IL23R: variants seen among roughly 807,000 people sequenced by gnomAD.
IL23R encodes interleukin 23 receptor.
Under a neutral mutation model 56.9 loss-of-function variants are expected in IL23R, and 34 were observed. That is an observed-to-expected ratio of 0.60 (90% CI 0.45 to 0.80). The LOEUF (loss-of-function observed/expected upper bound fraction) is 0.80, where lower values mean the gene tolerates loss of function less well. IL23R is among the 30% of genes least tolerant of loss of function. The pLI, the probability that IL23R is intolerant of heterozygous loss-of-function variation, is 0.00. For missense variants in IL23R, 635 were observed against 730.0 expected, an observed-to-expected ratio of 0.87 and a Z score of 1.50; for synonymous variants, 230 against 249.2, an observed-to-expected ratio of 0.92 and a Z score of 0.73.
chr1:67,241,133 C>G (rs1443660270), intron 9 of IL23R, among the ~76,000 whole-genome samples: 2 of 152,150 alleles, frequency 1.3e-5, no homozygotes, highest in Non-Finnish European at 2.9e-5. Context: ...TTAATAATTC[C>G]CCCCTTTTGG....
chr1:67,196,971 C>T (rs1281514306), intron 4 of IL23R, among the ~76,000 whole-genome samples: 2 of 152,186 alleles, frequency 1.3e-5, no homozygotes, highest in Non-Finnish European at 2.9e-5. Flanking sequence ...AGTCAGACAT[C>T]CAAATGAAGC....
At chr1:67,168,563 G>T (rs146799703) in intron 2 of IL23R, among the ~76,000 whole-genome samples, 1 of 152,106 alleles carries the variant, frequency 6.6e-6, no homozygotes, top group Non-Finnish European at 1.5e-5. Context: ...TTTGTGCCGG[G>T]CACATAGTAA....
At chr1:67,175,797 T>C (rs1289899740) in intron 3 of IL23R, among the ~76,000 whole-genome samples, 3 of 152,158 alleles carry the variant, frequency 2.0e-5, no homozygotes, top group Non-Finnish European at 4.4e-5. Context: ...AAGAACCCAT[T>C]CGCAAGAGCC....
intron 9 of IL23R, among the ~76,000 whole-genome samples, chr1:67,248,017 C>A (rs1205177865): frequency 6.6e-6 from 1 of 152,162 alleles, no homozygotes; most frequent in Non-Finnish European, 1.5e-5. Context: ...TTGTAGGTAA[C>A]CAGACCTTTT....
chr1:67,258,937 G>A lies in IL23R; in HGVS notation c.1699G>A (p.Val567Ile), dbSNP rs1231878015. 1 of 1,613,948 alleles carries A rather than the reference G, an allele frequency of 6.2e-7. No individual in the cohort carries two copies. The highest frequency in any genetic ancestry group is 1.3e-5 in the African/African-American group (1 of 74,906). Residue 567 changes from valine (V) to isoleucine (I), a missense_variant, in exon 11 of 11, where the codon GTA becomes ATA. Transcript: ENST00000347310. ...CAGTTCTCCTGACATACAAAACTCA[G>A]TAGAGGAGGAAACCACCATGCTTTT... is the stretch of plus-strand genomic sequence containing the variant. ...ECSSPDIQNS[V>I]EEETTMLLEN...
chr1:67,258,595 G>C lies in IL23R; in HGVS notation c.1357G>C (p.Glu453Gln), dbSNP rs1272788889. The change falls in exon 11 of 11, where the codon GAG (glutamate) becomes CAG (glutamine). Residue 453 changes from glutamate (E) to glutamine (Q), a missense_variant. Physicochemically the swap from Glu to Gln is conservative, Grantham distance 29 (BLOSUM62 2). Coordinates refer to ENST00000347310, the MANE Select transcript of IL23R (RefSeq NM_144701.3). Reference sequence around the variant, plus strand: ...ACACAAGCCTACAGACTACAAGAAGGAGAATACAGGACCCCTGGAGACAAG... The same window carrying C: ...ACACAAGCCTACAGACTACAAGAAGCAGAATACAGGACCCCTGGAGACAAG... Reference protein sequence around the residue: ...PEHKPTDYKKENTGPLETRDY... With the variant: ...PEHKPTDYKKQNTGPLETRDY... 6.2e-7 allele frequency: 1 copy of C among 1,613,446 alleles called. No individual in the cohort carries two copies. Among genetic ancestry groups the C allele is most frequent in the Admixed American group, 1.7e-5 (1 of 59,934 alleles).
intron 5 of IL23R, among the ~76,000 whole-genome samples, chr1:67,206,309 A>G (rs768955487): frequency 6.6e-6 from 1 of 151,852 alleles, no homozygotes; most frequent in Admixed American, 6.6e-5. Context: ...CACCATGCCC[A>G]GCCTTTCTTT....
chr1:67,143,532 T>C (rs1001108893), intron 1 of IL23R, among the ~76,000 whole-genome samples: 3 of 152,190 alleles, frequency 2.0e-5, no homozygotes, highest in African/African-American at 7.2e-5. Flanking sequence ...ATGGAACTGA[T>C]GTAGAACACA....
At chr1:67,196,219 A>G (rs1488961165) in intron 4 of IL23R, 1 of 152,340 alleles carries the variant, frequency 6.6e-6, no homozygotes, top group Non-Finnish European at 1.5e-5. Context: ...ACGGCATGCA[A>G]ATTTGTGAAG....
chr1:67,150,207 C>T (rs1204701203), intron 1 of IL23R, among the ~76,000 whole-genome samples: 3 of 150,352 alleles, frequency 2.0e-5, no homozygotes, highest in Non-Finnish European at 4.4e-5. Context: ...TCATATGACC[C>T]AACCAATTCA....
chr1:67,225,672 A>ATT (rs1345983902), intron 7 of IL23R, among the ~76,000 whole-genome samples: 1 of 150,040 alleles, frequency 6.7e-6, no homozygotes, highest in African/African-American at 2.4e-5. Context: ...ACACCTGGCT[A>ATT]TTTTTTTTTG....
chr1:67,214,239 T>G (rs1356297098), intron 6 of IL23R, among the ~76,000 whole-genome samples: 2 of 145,402 alleles, frequency 1.4e-5, no homozygotes, highest in African/African-American at 5.1e-5. Context: ...GTAATCTTGA[T>G]TACAAAATAT....
At chr1:67,193,060 G>A (rs373535466) in intron 4 of IL23R, among the ~76,000 whole-genome samples, 3 of 151,970 alleles carry the variant, frequency 2.0e-5, no homozygotes, top group Admixed American at 6.6e-5. Context: ...CCCTTTCCTA[G>A]TAAAACCTCA....
chr1:67,209,720 A>G lies in IL23R; in HGVS notation c.798+2665A>G, dbSNP rs141542665. Among the ~76,000 whole-genome samples, 45 of 152,324 alleles carry G rather than the reference A, an allele frequency of 3.0e-4. 2 individuals are homozygous for G. In the East Asian group the frequency reaches 6.7e-3, roughly 23 times the overall value. ...AGTACCCAGTGTTTAGCTCCCACTC[A>G]TAAGTGAGAACATGTGGTATTTGAT... On this transcript the variant is annotated intron_variant, in intron 6 of 10. Transcript: ENST00000347310.
intron 9 of IL23R, among the ~76,000 whole-genome samples, chr1:67,241,879 A>T (rs975718313): frequency 2.6e-5 from 4 of 152,210 alleles, no homozygotes; most frequent in Non-Finnish European, 4.4e-5. Flanking sequence ...GAGTCTACTC[A>T]CTTAAGTGAT....
intron 1 of IL23R, among the ~76,000 whole-genome samples, chr1:67,146,533 T>C (rs6588246): frequency 0.47 from 71,690 of 152,014 alleles, 17,736 homozygotes; most frequent in South Asian, 0.63. Context: ...CAATAAATAA[T>C]ATAAAAGTGA....
chr1:67,258,377 A>G, intron 10 of IL23R, 101 bp from the exon 11 acceptor site: 1 of 807,218 alleles, frequency 1.2e-6, no homozygotes, highest in Non-Finnish European at 2.0e-6. Context: ...TGGAGGGAGA[A>G]AGGAAAGTTG....
chr1:67,151,756 G>T (rs970524983), intron 1 of IL23R, among the ~76,000 whole-genome samples: 1 of 152,132 alleles, frequency 6.6e-6, no homozygotes, highest in African/African-American at 2.4e-5. Flanking sequence ...AGATCAGATG[G>T]TTGTAGATAT....
chr1:67,261,424 A>G (rs1029689939), downstream of IL23R, among the ~76,000 whole-genome samples: 3 of 148,234 alleles, frequency 2.0e-5, no homozygotes, highest in Non-Finnish European at 4.5e-5. Context: ...AAAAAAAAGT[A>G]TCCCCTGATA....
Sources: gnomAD v4.1 joint callset for allele counts (sites outside exome capture counted in the v4.1 genomes callset) on GRCh38, gnomAD v4.1.1 for gene constraint, MANE v1.5 for transcripts, NCBI Gene and HGNC (gene_info 2026-07-23, HGNC 2026-07-21) for gene names.